Variants in DPP6 observed in about 807,000 individuals in gnomAD.
The protein encoded by DPP6 is A-type potassium channel modulatory protein DPP6.
A neutral mutation model predicts 122.6 loss-of-function variants in DPP6; 69 were observed. That is an observed-to-expected ratio of 0.56 (90% CI 0.46 to 0.69). The LOEUF is 0.69. Ranked by LOEUF, DPP6 falls within the 30% of genes least tolerant of loss-of-function variation. DPP6 has a pLI of 0.00. For missense variants in DPP6, 928 were observed against 1,116.9 expected, an observed-to-expected ratio of 0.83 and a Z score of 2.41; for synonymous variants, 418 against 433.1, an observed-to-expected ratio of 0.97 and a Z score of 0.43.
At chr7:153,909,793 C>T (rs755986770) in intron 1 of DPP6, among the ~76,000 whole-genome samples, 21 of 152,110 alleles carry the variant, frequency 1.4e-4, no homozygotes, top group Non-Finnish European at 7.4e-5. Context: ...ACCTACCAGA[C>T]GGATCCTCCA....
At chr7:154,757,525 A>G (rs2131495533) in intron 8 of DPP6, among the ~76,000 whole-genome samples, 1 of 152,342 alleles carries the variant, frequency 6.6e-6, no homozygotes, top group South Asian at 2.1e-4. Flanking sequence ...TCATTTTGCA[A>G]TAAGAGGGCC....
chr7:154,400,277 C>A (rs866824087), intron 1 of DPP6, among the ~76,000 whole-genome samples: 26 of 152,308 alleles, frequency 1.7e-4, no homozygotes, highest in African/African-American at 6.0e-4. Flanking sequence ...ATAAACACAG[C>A]CCTAAGTGCC....
At chr7:153,909,002 T>G (rs1183104122) in intron 1 of DPP6, among the ~76,000 whole-genome samples, 1 of 152,200 alleles carries the variant, frequency 6.6e-6, no homozygotes, top group Non-Finnish European at 1.5e-5. Context: ...TCTGCCCGCC[T>G]CAGCCTTCCA....
At chr7:154,361,595 T>C (rs1392335176) in intron 1 of DPP6, among the ~76,000 whole-genome samples, 1 of 131,066 alleles carries the variant, frequency 7.6e-6, no homozygotes, top group African/African-American at 3.4e-5. Context: ...TTGAGAATAA[T>C]TGCTAGCCAA....
intron 2 of DPP6, among the ~76,000 whole-genome samples, chr7:154,460,172 G>A (rs570698718): frequency 6.6e-6 from 1 of 151,794 alleles, no homozygotes; most frequent in Non-Finnish European, 1.5e-5. Context: ...AATAGAGACG[G>A]GGTTTCGCGA....
chr7:154,781,339 G>T (rs1294627959), intron 10 of DPP6, among the ~76,000 whole-genome samples: 1 of 152,140 alleles, frequency 6.6e-6, no homozygotes, highest in East Asian at 1.9e-4. Context: ...TGTTGAAAAA[G>T]GATGCCGCAG....
upstream of DPP6, among the ~76,000 whole-genome samples, chr7:153,886,073 C>T (rs572681509): frequency 5.4e-4 from 82 of 151,822 alleles, no homozygotes; most frequent in Non-Finnish European, 6.9e-4. Flanking sequence ...CAGACTCCAG[C>T]TCCCGCCATG....
chr7:154,135,703 C>T (rs1445580660), intron 1 of DPP6, among the ~76,000 whole-genome samples: 2 of 149,904 alleles, frequency 1.3e-5, no homozygotes, highest in African/African-American at 2.5e-5. Context: ...CTGTGCACTT[C>T]CTGTAGCACC....
the DPP6 span, among the ~76,000 whole-genome samples, chr7:153,785,006 G>C: frequency 1.3e-5 from 2 of 152,178 alleles, no homozygotes; most frequent in South Asian, 4.1e-4. Context: ...TCAGTTTACA[G>C]GTAATGCATA....
chr7:153,756,930 G>A, the DPP6 span, among the ~76,000 whole-genome samples: 1 of 152,166 alleles, frequency 6.6e-6, no homozygotes, highest in Admixed American at 6.5e-5. Flanking sequence ...ATAGAGGGCA[G>A]TAAATGAGTA....
chr7:153,994,935 C>T (rs1797355038), intron 1 of DPP6, among the ~76,000 whole-genome samples: 1 of 152,188 alleles, frequency 6.6e-6, no homozygotes, highest in Admixed American at 6.5e-5. Flanking sequence ...AAATATGCTC[C>T]AGCATTAGAC....
intron 1 of DPP6, among the ~76,000 whole-genome samples, chr7:154,322,595 A>G (rs1808070636): frequency 6.6e-6 from 1 of 152,244 alleles, no homozygotes; most frequent in African/African-American, 2.4e-5. Context: ...GGAACTTAAC[A>G]GTTTTCAGTG....
chr7:153,896,207 A>G (rs889596101), intron 1 of DPP6, among the ~76,000 whole-genome samples: 4 of 152,226 alleles, frequency 2.6e-5, no homozygotes, highest in Non-Finnish European at 4.4e-5. Flanking sequence ...TATTGGTCCT[A>G]TATAAACAAC....
the DPP6 span, among the ~76,000 whole-genome samples, chr7:153,822,000 A>T: frequency 1.3e-5 from 2 of 152,076 alleles, no homozygotes; most frequent in Non-Finnish European, 2.9e-5. Context: ...CTGTAGCTAA[A>T]TATTCCCAAC....
chr7:154,494,844 A>G (rs1824590312), intron 3 of DPP6, among the ~76,000 whole-genome samples: 1 of 152,222 alleles, frequency 6.6e-6, no homozygotes, highest in Non-Finnish European at 1.5e-5. Flanking sequence ...TCAGGCATGT[A>G]TAGACGTTGT....
At position 154,639,669 on chromosome 7, in the gene DPP6, T is replaced by A. The variant is rs1835941829; in HGVS notation, c.680+1796T>A. On this transcript the variant is annotated intron_variant, in intron 6 of 25. Transcript: ENST00000377770. ...GCAAAGCTCAGGCCATGATAGTCTG[T>A]GTTGAAGGCTCGGCTTCTGCACTTA... is the stretch of plus-strand genomic sequence containing the variant. Among the ~76,000 whole-genome samples, 3 of 152,150 alleles carry A rather than the reference T, an allele frequency of 2.0e-5. No homozygotes were observed. In the South Asian group the frequency reaches 6.2e-4, roughly 32 times the overall value.
intron 1 of DPP6, among the ~76,000 whole-genome samples, chr7:154,060,344 C>CAA: frequency 7.5e-6 from 1 of 134,020 alleles, no homozygotes. Flanking sequence ...GAGGCACCCC[C>CAA]CGCGAGGCAG....
At chr7:154,247,323 AAG>A (rs2150888070) in intron 1 of DPP6, among the ~76,000 whole-genome samples, 1 of 152,306 alleles carries the variant, frequency 6.6e-6, no homozygotes, top group South Asian at 2.1e-4. Context: ...AAAAAAGAAA[AAG>A]AATCGTCAAG....
chr7:154,243,651 C>T (rs147337418), intron 1 of DPP6, among the ~76,000 whole-genome samples: 3,265 of 151,840 alleles, frequency 0.022, 133 homozygotes, highest in African/African-American at 0.074. Context: ...AAAAATTAGC[C>T]GGGCATGGTG....
Sources: gnomAD v4.1 joint callset for allele counts (sites outside exome capture counted in the v4.1 genomes callset) on GRCh38, gnomAD v4.1.1 for gene constraint, MANE v1.5 for transcripts, NCBI Gene and HGNC (gene_info 2026-07-23, HGNC 2026-07-21) for gene names.